CNOT2: variants seen among roughly 807,000 people sequenced by gnomAD.
The protein encoded by CNOT2 is CCR4-NOT transcription complex subunit 2.
In CNOT2, 7 loss-of-function variants were observed where a neutral mutation model predicts 72.1. That is an observed-to-expected ratio of 0.10 (90% CI 0.06 to 0.18). The LOEUF (loss-of-function observed/expected upper bound fraction) is 0.18. CNOT2 is among the 10% of genes least tolerant of loss of function. The probability of loss-of-function intolerance (pLI) is 1.00; values close to 1 mark genes in which losing one functional copy is unlikely to be tolerated. For missense variants in CNOT2, 345 were observed against 660.3 expected (o/e 0.52, Z 5.23); for synonymous variants, 196 against 225.6 (o/e 0.87, Z 1.17).
intron 1 of CNOT2, among the ~76,000 whole-genome samples, chr12:70,253,509 C>T (rs1371557498): frequency 6.6e-6 from 1 of 152,040 alleles, no homozygotes; most frequent in Non-Finnish European, 1.5e-5. Context: ...AGTACGTGCT[C>T]ATCTTTAATG....
At position 70,354,201 on chromosome 12, in the gene CNOT2, G is replaced by A; in HGVS notation, c.*286G>A. On this transcript the variant is annotated 3_prime_UTR_variant, in exon 16 of 16. Coordinates refer to ENST00000229195, the MANE Select transcript of CNOT2 (RefSeq NM_014515.7). Reference sequence around the variant, plus strand: ...CAGCAGACAGACTTGAGTCTGTAAAGACAAGCAAATACACTGACAGAAGTT... The same window carrying A: ...CAGCAGACAGACTTGAGTCTGTAAAAACAAGCAAATACACTGACAGAAGTT... 2.5e-6 allele frequency: 1 copy of A among 394,156 alleles called. No homozygotes were observed. Among genetic ancestry groups the A allele is most frequent in the Non-Finnish European group, 4.3e-6 (1 of 234,158 alleles). 24.4% of individuals were successfully genotyped at this position (394,156 alleles called of 1,614,324 possible).
upstream of CNOT2, chr12:70,243,165 C>T (rs1310853100): frequency 1.3e-5 from 2 of 152,338 alleles, no homozygotes; most frequent in Admixed American, 1.3e-4. Flanking sequence ...CCGCAGAAGC[C>T]CCGCTCTCTG....
In CNOT2 at chr12:70,317,096, C is replaced by T. The variant is rs1249202084; in HGVS notation, c.172-2202C>T. Among the ~76,000 whole-genome samples the T allele has an allele frequency of 3.3e-5, 5 of 151,924 alleles. No homozygotes were observed. The East Asian group carries it at 9.7e-4, about 29-fold the overall frequency. ...CTTATAATGACAGAAAATCATGATT[C>T]TTAAGAATTTTATATAAATCTTTTA... On this transcript the variant is annotated intron_variant, in intron 3 of 15. Transcript: ENST00000229195.
chr12:70,275,332 TG>T (rs1352344976), intron 1 of CNOT2, among the ~76,000 whole-genome samples: 3 of 152,058 alleles, frequency 2.0e-5, no homozygotes, highest in Admixed American at 6.6e-5. Flanking sequence ...GTTGTGATCA[TG>T]TGGTTTTGTT....
chr12:70,289,224 G>A (rs1195019673), intron 2 of CNOT2, among the ~76,000 whole-genome samples: 1 of 151,948 alleles, frequency 6.6e-6, no homozygotes, highest in Non-Finnish European at 1.5e-5. Flanking sequence ...CTTTCACTGA[G>A]TCTGAAGTTC....
intron 1 of CNOT2, among the ~76,000 whole-genome samples, chr12:70,270,774 T>C (rs1187737897): frequency 1.3e-5 from 2 of 152,188 alleles, no homozygotes; most frequent in African/African-American, 4.8e-5. Flanking sequence ...TCCACCAGGT[T>C]AGTTATATGC....
chr12:70,271,820 GA>G (rs2135780997), intron 1 of CNOT2, among the ~76,000 whole-genome samples: 1 of 152,266 alleles, frequency 6.6e-6, no homozygotes, highest in South Asian at 2.1e-4. Context: ...TTAAATTTCA[GA>G]AAGATTCTGC....
chr12:70,269,319 C>G (rs553276158), intron 1 of CNOT2, among the ~76,000 whole-genome samples: 2 of 144,532 alleles, frequency 1.4e-5, no homozygotes, highest in South Asian at 2.2e-4. Context: ...CTTTACTATT[C>G]GAAGTTACTC....
chr12:70,303,138 A>G (rs1466142902), intron 2 of CNOT2, among the ~76,000 whole-genome samples: 3 of 152,204 alleles, frequency 2.0e-5, no homozygotes, highest in African/African-American at 7.2e-5. Flanking sequence ...TTTCCTGAAT[A>G]CAGCACACTG....
At chr12:70,289,164 T>C (rs1871430388) in intron 2 of CNOT2, among the ~76,000 whole-genome samples, 1 of 152,054 alleles carries the variant, frequency 6.6e-6, no homozygotes, top group Admixed American at 6.5e-5. Flanking sequence ...TGATGAATTA[T>C]TTTAGGTTTT....
At chr12:70,257,920 A>G (rs1300683996) in intron 1 of CNOT2, among the ~76,000 whole-genome samples, 2 of 152,212 alleles carry the variant, frequency 1.3e-5, no homozygotes, top group African/African-American at 4.8e-5. Flanking sequence ...GCCAGTTTAC[A>G]TTCTCTGCAG....
chr12:70,327,862 C>T (rs375211498), intron 4 of CNOT2: 5 of 151,752 alleles, frequency 3.3e-5, no homozygotes, highest in African/African-American at 9.7e-5. Flanking sequence ...TAGAAAGCCT[C>T]AAAGAAAAAT....
intron 15 of CNOT2, among the ~76,000 whole-genome samples, chr12:70,349,898 C>T (rs1477483215): frequency 6.6e-6 from 1 of 151,936 alleles, no homozygotes; most frequent in African/African-American, 2.4e-5. Context: ...GTCCTAGCTA[C>T]TTGGGAGGCT....
chr12:70,282,149 A>G (rs1053481950), intron 2 of CNOT2, among the ~76,000 whole-genome samples: 1 of 152,186 alleles, frequency 6.6e-6, no homozygotes, highest in Non-Finnish European at 1.5e-5. Flanking sequence ...AAGGGAAAGG[A>G]AGAAATGGAA....
intron 2 of CNOT2, chr12:70,297,913 T>G (rs1873107342): frequency 5.5e-6 from 1 of 180,692 alleles, no homozygotes; most frequent in African/African-American, 2.4e-5. Flanking sequence ...ATTTTTGTAT[T>G]TTTAGTAGAG....
chr12:70,263,431 T>G (rs183740689), intron 1 of CNOT2, among the ~76,000 whole-genome samples: 71 of 152,324 alleles, frequency 4.7e-4, no homozygotes, highest in African/African-American at 1.5e-3. Context: ...TATGAATCTG[T>G]TGTCAAATTT....
At chr12:70,282,099 A>G (rs1360302315) in intron 2 of CNOT2, among the ~76,000 whole-genome samples, 1 of 152,214 alleles carries the variant, frequency 6.6e-6, no homozygotes, top group Non-Finnish European at 1.5e-5. Flanking sequence ...TAGGTGTTCA[A>G]TGCATGTTGT....
chr12:70,306,198 G>C (rs1277564847), intron 2 of CNOT2, among the ~76,000 whole-genome samples: 5 of 152,084 alleles, frequency 3.3e-5, no homozygotes, highest in African/African-American at 7.2e-5. Context: ...TGTCGGCCAG[G>C]CTAGAGTGCA....
At chr12:70,339,014 A>ATGTGTG (rs143055295) in intron 11 of CNOT2, among the ~76,000 whole-genome samples, 192 bp downstream of exon 11, 2,812 of 130,986 alleles carry the variant, frequency 0.021, 68 homozygotes, top group African/African-American at 0.067. Flanking sequence ...TTGGCATTTT[A>ATGTGTG]TGTGTGTGTG....
Sources: allele counts gnomAD v4.1 joint callset (sites outside exome capture counted in the v4.1 genomes callset), GRCh38; gene constraint gnomAD v4.1.1; transcripts MANE v1.5; gene names NCBI Gene and HGNC (gene_info 2026-07-23, HGNC 2026-07-21).